The following TPH1 variants were observed in gnomAD, a reference collection of about 807,000 sequenced individuals.
TPH1 encodes the protein tryptophan hydroxylase 1, also known as tryptophan 5-hydroxylase 1.
A neutral mutation model predicts 49.5 loss-of-function variants in TPH1; 37 were observed. The observed-to-expected ratio is 0.75, with a 90% confidence interval of 0.58 to 0.98. The LOEUF (loss-of-function observed/expected upper bound fraction) is 0.98, where lower values mean the gene tolerates loss of function less well. Ranked by LOEUF, TPH1 falls within the 50% of genes least tolerant of loss-of-function variation. TPH1 has a pLI of 0.00. For missense variants in TPH1, 487 were observed against 523.6 expected, an observed-to-expected ratio of 0.93 and a Z score of 0.68; for synonymous variants, 160 against 182.1, an observed-to-expected ratio of 0.88 and a Z score of 0.98.
intron 2 of TPH1, among the ~76,000 whole-genome samples, chr11:18,037,848 A>T (rs1451218670): frequency 6.6e-6 from 1 of 152,230 alleles, no homozygotes; most frequent in East Asian, 1.9e-4. Flanking sequence ...CAGTTTGGCC[A>T]GAAGCACACA....
In TPH1 at chr11:18,022,848, T is replaced by C. The variant is rs1381886581; in HGVS notation, c.1110A>G (p.Gln370=). 1.2e-5 allele frequency: 19 copies of C among 1,613,614 alleles called. No homozygotes were observed. The highest frequency in any genetic ancestry group is 1.6e-5 in the Non-Finnish European group (19 of 1,179,630). ...CKQECLITTF[Q]DVYFVSESFE... ...AACTTTCAGATACAAAGTAGACATC[T>C]TGAAAAGTTGTGATAAGACATTCCT... Residue 370 remains glutamine (Q), a synonymous_variant, in exon 10 of 11, where the codon CAA becomes CAG. Coordinates refer to ENST00000682019, the MANE Select transcript of TPH1 (RefSeq NM_004179.3).
intron 2 of TPH1, among the ~76,000 whole-genome samples, chr11:18,039,833 G>T (rs570176713): frequency 6.6e-6 from 1 of 152,188 alleles, no homozygotes; most frequent in South Asian, 2.1e-4. Flanking sequence ...TTTTAAGACA[G>T]ATTTATGAAA....
chr11:18,025,500 A>G, intron 8 of TPH1, 75 bp downstream of exon 8: 7 of 1,598,396 alleles, frequency 4.4e-6, no homozygotes, highest in Non-Finnish European at 6.0e-6. Flanking sequence ...GTCATTCTGA[A>G]TATGTACTTT....
At chr11:18,026,765 G>A (rs932249716) in intron 6 of TPH1, 140 bp from the exon 7 acceptor site, 18 of 1,041,890 alleles carry the variant, frequency 1.7e-5, no homozygotes, top group Middle Eastern at 2.0e-4. Context: ...ATATTAAGGG[G>A]AACTAATTAT....
chr11:18,036,178 G>A (rs1372967031), intron 2 of TPH1, 36 bp from the exon 3 acceptor site: 5 of 1,523,190 alleles, frequency 3.3e-6, no homozygotes, highest in Non-Finnish European at 4.5e-6. Flanking sequence ...TCATGTAACT[G>A]CCTCAAATGT....
At chr11:18,030,850 A>G (rs956069684) in intron 4 of TPH1, among the ~76,000 whole-genome samples, 7 of 152,206 alleles carry the variant, frequency 4.6e-5, no homozygotes, top group African/African-American at 1.7e-4. Context: ...ATGTTGCTCA[A>G]ACTTGGAGAG....
intron 2 of TPH1, among the ~76,000 whole-genome samples, chr11:18,038,716 C>CT (rs1848070719): frequency 6.6e-6 from 1 of 152,092 alleles, no homozygotes; most frequent in African/African-American, 2.4e-5. Context: ...CAAAACACTA[C>CT]TTTTTTAAAA....
At position 18,040,711 on chromosome 11, in the gene TPH1, C is replaced by T; in HGVS notation, c.52G>A (p.Ala18Thr). The T allele has an allele frequency of 1.2e-6, 2 of 1,612,374 alleles. No individual in the cohort carries two copies. Among genetic ancestry groups the T allele is most frequent in the South Asian group, 1.1e-5 (1 of 90,976 alleles). Residue 18 changes from alanine (A) to threonine (T), a missense_variant, in exon 2 of 11, where the codon GCA becomes ACA. Ala to Thr is a moderately conservative substitution (Grantham distance 58, BLOSUM62 0). Coordinates refer to ENST00000682019, the MANE Select transcript of TPH1 (RefSeq NM_004179.3). ...TTCTTTAAGGAAAAAATGAGACTTG[C>T]TCTTCCCCTTTCTAAGGAATGGTCT... Reference protein sequence around the residue: ...NKDHSLERGRASLIFSLKNEV... With the variant: ...NKDHSLERGRTSLIFSLKNEV...
At chr11:18,043,933 C>G (rs1442444401) in intron 1 of TPH1, among the ~76,000 whole-genome samples, 1 of 151,772 alleles carries the variant, frequency 6.6e-6, no homozygotes, top group Admixed American at 6.6e-5. Flanking sequence ...CTGGAAGTTG[C>G]TATTGTGAGA....
intron 2 of TPH1, among the ~76,000 whole-genome samples, chr11:18,040,217 A>T (rs921387441): frequency 2.0e-5 from 3 of 148,514 alleles, no homozygotes; most frequent in African/African-American, 4.9e-5. Flanking sequence ...CTCTTCTGTA[A>T]ATTGTTTGTA....
intron 10 of TPH1, among the ~76,000 whole-genome samples, chr11:18,022,186 C>A (rs79493207): frequency 6.6e-6 from 1 of 152,160 alleles, no homozygotes; most frequent in African/African-American, 2.4e-5. Flanking sequence ...CATTTATTTT[C>A]GCCTGAAGTG....
chr11:18,020,599 T>C lies in TPH1; in HGVS notation c.*392A>G, dbSNP rs1590258260. 1 of 205,206 alleles carries C rather than the reference T, an allele frequency of 4.9e-6. No homozygotes were observed. The highest frequency in any genetic ancestry group is 1.0e-5 in the Non-Finnish European group (1 of 99,688). The allele number at this position is 205,206 out of a possible 1,614,324, so 12.7% of individuals were successfully genotyped here. On this transcript the variant is annotated 3_prime_UTR_variant, in exon 11 of 11. Transcript: ENST00000682019. Reference sequence around the variant, plus strand: ...TAGGTAACAATATGAGTCAGCGCCATAATACTCCTCAAGTTATTCTAAGCG... The same window carrying C: ...TAGGTAACAATATGAGTCAGCGCCACAATACTCCTCAAGTTATTCTAAGCG...
chr11:18,037,506 A>T (rs936315179), intron 2 of TPH1, among the ~76,000 whole-genome samples: 4 of 152,190 alleles, frequency 2.6e-5, no homozygotes, highest in African/African-American at 9.7e-5. Context: ...TACAAAATAT[A>T]TTGGGATTGA....
intron 4 of TPH1, among the ~76,000 whole-genome samples, chr11:18,031,251 A>G (rs1325206450): frequency 6.6e-6 from 1 of 152,154 alleles, no homozygotes; most frequent in Non-Finnish European, 1.5e-5. Context: ...TCTTTCATTC[A>G]TCATAATGTT....
intron 3 of TPH1, 50 bp downstream of exon 3, chr11:18,035,909 C>T (rs1363663573): frequency 7.0e-7 from 1 of 1,419,894 alleles, no homozygotes; most frequent in Non-Finnish European, 9.9e-7. Context: ...AGGCTGGACA[C>T]ACATTAGGTG....
At chr11:18,029,122 A>G in intron 6 of TPH1, 43 bp downstream of exon 6, 1 of 1,340,144 alleles carries the variant, frequency 7.5e-7, no homozygotes, top group Non-Finnish European at 1.1e-6. Context: ...TGATCAAAAC[A>G]GAGTTCAGCA....
chr11:18,025,709 A>G lies in TPH1; in HGVS notation c.804-8T>C. On this transcript the variant is annotated splice_region_variant and splice_polypyrimidine_tract_variant and intron_variant, in intron 7 of 10. Coordinates refer to ENST00000682019, the MANE Select transcript of TPH1 (RefSeq NM_004179.3). The stretch of plus-strand genomic sequence containing the variant: ...AGTTCATGGCAGGTATCTCTGAAAG[A>G]GAGGTACAAGTTTGTCACGCTGCAG... 1 of 1,613,856 alleles carries G rather than the reference A, an allele frequency of 6.2e-7. No individual in the cohort carries two copies. The highest frequency in any genetic ancestry group is 8.5e-7 in the Non-Finnish European group (1 of 1,179,768).
intron 2 of TPH1, 72 bp downstream of exon 2, chr11:18,040,574 C>T: frequency 7.0e-7 from 1 of 1,425,104 alleles, no homozygotes. Flanking sequence ...GCTATGTTGC[C>T]CTATATTTTA....
At chr11:18,025,442 A>T in intron 8 of TPH1, 133 bp downstream of exon 8, 1 of 1,180,550 alleles carries the variant, frequency 8.5e-7, no homozygotes, top group Non-Finnish European at 1.2e-6. Context: ...GTGCAGTGGC[A>T]CAATCTCGGC....
Sources: allele counts gnomAD v4.1 joint callset (sites outside exome capture counted in the v4.1 genomes callset), GRCh38; gene constraint gnomAD v4.1.1; transcripts MANE v1.5; gene names NCBI Gene and HGNC (gene_info 2026-07-23, HGNC 2026-07-21).